JMJD1C: variants seen among roughly 807,000 people sequenced by gnomAD.
The protein encoded by JMJD1C is jumonji domain containing 1C, also known as jumonji domain-containing protein 1C.
A neutral mutation model predicts 245.3 loss-of-function variants in JMJD1C; 31 were observed. That is an observed-to-expected ratio of 0.13 (90% CI 0.09 to 0.17). JMJD1C has a LOEUF of 0.17. Ranked by LOEUF, JMJD1C falls within the 10% of genes least tolerant of loss-of-function variation. JMJD1C has a pLI of 1.00. For synonymous variants in JMJD1C, 1,057 were observed against 1,017.4 expected (o/e 1.04, Z -0.74); for missense variants, 2,691 against 3,000.2 (o/e 0.90, Z 2.41).
chr10:63,411,353 A>T (rs1478762289), intron 1 of JMJD1C, among the ~76,000 whole-genome samples: 2 of 135,628 alleles, frequency 1.5e-5, no homozygotes, highest in Non-Finnish European at 3.0e-5. Flanking sequence ...AGGCTGGAGT[A>T]GGTGGCCCAA....
intron 1 of JMJD1C, among the ~76,000 whole-genome samples, chr10:63,490,400 T>C (rs1954129537): frequency 6.7e-6 from 1 of 150,200 alleles, no homozygotes; most frequent in South Asian, 2.1e-4. Flanking sequence ...CTTAGCACAA[T>C]CTATAATTAT....
At chr10:63,428,472 G>C (rs184852016) in intron 1 of JMJD1C, among the ~76,000 whole-genome samples, 38 of 152,302 alleles carry the variant, frequency 2.5e-4, no homozygotes, top group African/African-American at 7.5e-4. Context: ...GAAATCAACT[G>C]AATGTTTCTG....
At chr10:63,259,685 T>G (rs1293894758) in intron 3 of JMJD1C, among the ~76,000 whole-genome samples, 1 of 152,230 alleles carries the variant, frequency 6.6e-6, no homozygotes, top group South Asian at 2.1e-4. Context: ...CTAGACAATG[T>G]GTGAGTCTTC....
intron 1 of JMJD1C, among the ~76,000 whole-genome samples, chr10:63,429,251 T>C (rs543652639): frequency 6.6e-6 from 1 of 152,236 alleles, no homozygotes; most frequent in South Asian, 2.1e-4. Context: ...AGTGCTGGGA[T>C]TACAGGCATG....
intron 1 of JMJD1C, among the ~76,000 whole-genome samples, chr10:63,503,501 C>A (rs1040560816): frequency 6.8e-6 from 1 of 147,164 alleles, no homozygotes; most frequent in Non-Finnish European, 1.5e-5. Flanking sequence ...TATGATGGAT[C>A]TAACATGTGA....
chr10:63,394,316 G>A (rs1948310417), intron 1 of JMJD1C, among the ~76,000 whole-genome samples: 1 of 151,918 alleles, frequency 6.6e-6, no homozygotes, highest in Admixed American at 6.6e-5. Flanking sequence ...TTTAAAAAAT[G>A]TGCAAAGGTA....
rs1435546678 is a variant in JMJD1C, at chr10:63,501,976, A to G, written n.113+19762T>C. ...TATTTAAAATACGGCCAAATTTATC[A>G]TTTTTCTAAAGGTAGTAAATAAGAC... is the stretch of plus-strand genomic sequence containing the variant. On this transcript the variant is annotated intron_variant and non_coding_transcript_variant, in intron 1 of 3. Transcript: ENST00000633035. Among the ~76,000 whole-genome samples, 5 of 152,126 alleles carry G rather than the reference A, an allele frequency of 3.3e-5. No homozygotes were observed. In the East Asian group the frequency reaches 9.6e-4, roughly 29 times the overall value.
intron 1 of JMJD1C, among the ~76,000 whole-genome samples, chr10:63,478,402 A>G (rs912735714): frequency 4.6e-5 from 7 of 152,194 alleles, no homozygotes; most frequent in African/African-American, 1.7e-4. Context: ...CTCAAATGGG[A>G]AACAGGCAAA....
chr10:63,315,019 T>A (rs1939778575), intron 2 of JMJD1C, among the ~76,000 whole-genome samples: 1 of 148,040 alleles, frequency 6.8e-6, no homozygotes, highest in Non-Finnish European at 1.5e-5. Context: ...AGCAGCACGA[T>A]CTTGGCTCAG....
Position 63,186,140 on chromosome 10 carries a change from CT to C in JMJD1C, c.6739+74del, listed in dbSNP as rs1243937193. The C allele has an allele frequency of 3.4e-6, 4 of 1,164,898 alleles. No homozygotes were observed. The South Asian group carries it at 4.1e-5, about 12-fold the overall frequency. 72.2% of individuals were successfully genotyped at this position (1,164,898 alleles called of 1,614,324 possible). A position where few individuals can be genotyped will look rare whatever the true frequency, so the allele number is the denominator to read the frequency against. Reference sequence around the variant, plus strand: ...AACAGATGTTTCAAAGACTAAAAATCTGTTAAGTTACATTTGGAATTTATCA... The same window carrying C: ...AACAGATGTTTCAAAGACTAAAAATCGTTAAGTTACATTTGGAATTTATCA... On this transcript the variant is annotated intron_variant, in intron 19 of 25. Coordinates refer to ENST00000399262, the MANE Select transcript of JMJD1C (RefSeq NM_032776.3).
At chr10:63,488,300 A>C (rs1253035780) in intron 1 of JMJD1C, among the ~76,000 whole-genome samples, 1 of 152,222 alleles carries the variant, frequency 6.6e-6, no homozygotes, top group Admixed American at 6.5e-5. Context: ...GAAGACTTTA[A>C]CCATGTGGAG....
At chr10:63,491,828 A>C (rs1954187773) in intron 1 of JMJD1C, among the ~76,000 whole-genome samples, 1 of 152,240 alleles carries the variant, frequency 6.6e-6, no homozygotes, top group Non-Finnish European at 1.5e-5. Flanking sequence ...CTTTCTAAGC[A>C]GTTGAATCAG....
At chr10:63,217,015 T>C (rs539718446) in intron 5 of JMJD1C, among the ~76,000 whole-genome samples, 192 bp downstream of exon 5, 2 of 152,196 alleles carry the variant, frequency 1.3e-5, no homozygotes. Flanking sequence ...TGAAATAAAT[T>C]GAGCATTGCT....
intron 1 of JMJD1C, among the ~76,000 whole-genome samples, chr10:63,514,050 CA>C (rs1564981670): frequency 1.3e-5 from 2 of 152,120 alleles, no homozygotes; most frequent in Admixed American, 1.3e-4. Context: ...CACTAATTAT[CA>C]GAGAAATGCA....
intron 3 of JMJD1C, 83 bp from the exon 4 acceptor site, chr10:63,220,066 G>A: frequency 1.1e-6 from 1 of 949,288 alleles, no homozygotes; most frequent in Non-Finnish European, 1.6e-6. Flanking sequence ...TACGTTCTAA[G>A]GACTGAATAA....
intron 2 of JMJD1C, among the ~76,000 whole-genome samples, chr10:63,373,986 A>G (rs1946521340): frequency 1.3e-5 from 2 of 152,188 alleles, no homozygotes; most frequent in Admixed American, 6.5e-5. Context: ...AATTTTTACA[A>G]TCTCCTAAAA....
chr10:63,268,723 G>A, intron 2 of JMJD1C: 1 of 984,218 alleles, frequency 1.0e-6, no homozygotes, highest in South Asian at 4.7e-5. Flanking sequence ...AGGCTTTAAA[G>A]GTCAGTAAGT....
At chr10:63,268,569 T>C in intron 2 of JMJD1C, 1 of 298,118 alleles carries the variant, frequency 3.4e-6, no homozygotes, top group Non-Finnish European at 5.0e-6. Flanking sequence ...AGATCTTTTA[T>C]AAAAGGCAGT....
chr10:63,471,060 T>C (rs745504386), intron 1 of JMJD1C, among the ~76,000 whole-genome samples: 6 of 152,178 alleles, frequency 3.9e-5, no homozygotes, highest in Non-Finnish European at 8.8e-5. Flanking sequence ...ACTGCACTTT[T>C]TCTCTGTTCA....
Sources: allele counts gnomAD v4.1 joint callset (sites outside exome capture counted in the v4.1 genomes callset), GRCh38; gene constraint gnomAD v4.1.1; transcripts MANE v1.5; gene names NCBI Gene and HGNC (gene_info 2026-07-23, HGNC 2026-07-21).